The following C20orf173 variants were observed in gnomAD, a reference collection of about 807,000 sequenced individuals.
C20orf173 encodes chromosome 20 open reading frame 173, also known as uncharacterized protein C20orf173.
C20orf173 carries 22 observed loss-of-function variants against 26.7 expected under a neutral mutation model. That is an observed-to-expected ratio of 0.82 (90% CI 0.59 to 1.18). C20orf173 has a LOEUF of 1.18. C20orf173 is among the 50% of genes most tolerant of loss of function. The probability of loss-of-function intolerance (pLI) is 0.00; values close to 1 mark genes in which losing one functional copy is unlikely to be tolerated. For missense variants in C20orf173, 210 were observed against 250.3 expected, an observed-to-expected ratio of 0.84 and a Z score of 1.09; for synonymous variants, 85 against 96.4, an observed-to-expected ratio of 0.88 and a Z score of 0.69.
At chr20:35,528,981 G>T in intron 2 of C20orf173, 84 bp downstream of exon 2, 5 of 1,536,184 alleles carry the variant, frequency 3.3e-6, no homozygotes, top group Non-Finnish European at 3.5e-6. Flanking sequence ...CAGGGCCAAG[G>T]GCAGGGATTT....
At chr20:35,525,707 C>A (rs1290975032), downstream of C20orf173, among the ~76,000 whole-genome samples, 1 of 152,168 alleles carries the variant, frequency 6.6e-6, no homozygotes, top group East Asian at 1.9e-4. Context: ...TGCCCTGATG[C>A]GATCCAGTGG....
At chr20:35,526,707 T>C (rs1325489144), downstream of C20orf173, among the ~76,000 whole-genome samples, 4 of 150,464 alleles carry the variant, frequency 2.7e-5, no homozygotes. Flanking sequence ...CTAAACCTTC[T>C]GTGAAAAGCT....
chr20:35,524,991 G>A (rs1022727435), downstream of C20orf173, among the ~76,000 whole-genome samples: 3 of 151,882 alleles, frequency 2.0e-5, no homozygotes, highest in Non-Finnish European at 4.4e-5. Flanking sequence ...GATCCACTGT[G>A]CCCGGCCTTT....
Position 35,529,105 on chromosome 20 carries a change from G to A in C20orf173, c.269C>T (p.Thr90Ile), listed in dbSNP as rs1392825390. 1.3e-6 allele frequency: 2 copies of A among 1,551,696 alleles called. No individual in the cohort carries two copies. Among genetic ancestry groups the A allele is most frequent in the Non-Finnish European group, 1.7e-6 (2 of 1,146,994 alleles). Residue 90 changes from threonine to isoleucine, a missense_variant, in exon 2 of 6, where the codon ACA (threonine) becomes ATA (isoleucine). Transcript: ENST00000444723. Reference sequence around the variant, plus strand: ...AGTGTCAGAGGTCATAGACTCTCTTGTCCTCATCAGGTACCCCATAGTCTT... The same window carrying A: ...AGTGTCAGAGGTCATAGACTCTCTTATCCTCATCAGGTACCCCATAGTCTT... Reference protein sequence around the residue: ...SRKTMGYLMRTRESMTSDTVL... With the variant: ...SRKTMGYLMRIRESMTSDTVL...
At chr20:35,528,413 AC>A in intron 4 of C20orf173, 37 bp downstream of exon 4, 6 of 1,547,684 alleles carry the variant, frequency 3.9e-6, no homozygotes, top group Non-Finnish European at 3.5e-6. Flanking sequence ...ACCTCCCCTC[AC>A]CCCCACACAG....
chr20:35,529,275 C>A lies in C20orf173; in HGVS notation c.99G>T (p.Gln33His). 1 of 1,551,590 alleles carries A rather than the reference C, an allele frequency of 6.4e-7. No individual in the cohort carries two copies. ...GTGGTACCAAGTACATTCGTTTTTC[C>A]TGGGGTGCTGATTCAGGTGTCAGAT... ...YLDLTPESAP[Q>H]EKRMYLVPQH... Residue 33 changes from glutamine (Q) to histidine (H), a missense_variant, in exon 2 of 6, where the codon CAG becomes CAT. Physicochemically the swap from Gln to His is conservative, Grantham distance 24. Transcript: ENST00000444723.
At chr20:35,520,926 C>G (rs2064471047), downstream of C20orf173, 1 of 152,240 alleles carries the variant, frequency 6.6e-6, no homozygotes, top group African/African-American at 2.4e-5. Context: ...TAGTCCCTCT[C>G]TGACACCACA....
chr20:35,526,089 CA>C (rs775526440), downstream of C20orf173, among the ~76,000 whole-genome samples: 1 of 152,128 alleles, frequency 6.6e-6, no homozygotes, highest in Non-Finnish European at 1.5e-5. Context: ...CAGGATGATG[CA>C]AAAGCTAGAG....
intron 1 of C20orf173, 29 bp from the exon 2 acceptor site, chr20:35,529,453 A>T: frequency 1.5e-6 from 2 of 1,337,950 alleles, no homozygotes; most frequent in South Asian, 2.9e-5. Context: ...GAGGCCACAG[A>T]CAGCACCAGC....
At chr20:35,522,417 T>C (rs1018904047), downstream of C20orf173, 6 of 152,312 alleles carry the variant, frequency 3.9e-5, no homozygotes, top group Admixed American at 3.3e-4. Flanking sequence ...TTCCACATGC[T>C]TGTCTGTTTA....
intron 5 of C20orf173, 59 bp downstream of exon 5, chr20:35,528,155 AGGGGGAGGGAACTGACCTG>A: frequency 8.1e-7 from 1 of 1,239,616 alleles, no homozygotes; most frequent in Non-Finnish European, 1.2e-6. Flanking sequence ...CTGGGGAGGA[AGGGGGAGGGAACTGACCTG>A]GGGCCCTTCC....
At chr20:35,524,103 C>T (rs1052090525), downstream of C20orf173, among the ~76,000 whole-genome samples, 1 of 152,036 alleles carries the variant, frequency 6.6e-6, no homozygotes, top group Non-Finnish European at 1.5e-5. Context: ...CTGCAACCCC[C>T]GCCTCCTGGG....
chr20:35,524,313 G>A (rs1255174140), downstream of C20orf173, among the ~76,000 whole-genome samples: 1 of 151,982 alleles, frequency 6.6e-6, no homozygotes, highest in East Asian at 1.9e-4. Context: ...GAGCCACTGC[G>A]CCCGGCCAAT....
downstream of C20orf173, among the ~76,000 whole-genome samples, chr20:35,525,658 C>G (rs2064498719): frequency 6.6e-6 from 1 of 152,182 alleles, no homozygotes; most frequent in African/African-American, 2.4e-5. Context: ...GGCAGGCAAT[C>G]CCCAAAATTG....
In C20orf173 at chr20:35,529,161, G is replaced by A. The variant is rs201522177; in HGVS notation, c.213C>T (p.Asp71=). ...AGCACGCATCAAGCCAGTTCCATTC[G>A]TCGGCTGTGTGGTGGCAGGAGGAGC... is the stretch of plus-strand genomic sequence containing the variant. ...LNCSSCHHTA[D]EWNWLDACSR... Residue 71 remains aspartate, a synonymous_variant, in exon 2 of 6, where the codon GAC becomes GAT. Transcript: ENST00000444723. 90 of 1,551,542 alleles carry A rather than the reference G, an allele frequency of 5.8e-5. No individual in the cohort carries two copies. The highest frequency in any genetic ancestry group is 1.7e-4 in the Middle Eastern group (1 of 6,014).
chr20:35,526,806 G>A (rs1193534921), downstream of C20orf173, among the ~76,000 whole-genome samples: 1 of 152,076 alleles, frequency 6.6e-6, no homozygotes, highest in African/African-American at 2.4e-5. Flanking sequence ...AGTGGGTAAA[G>A]AGCCTCCCCC....
chr20:35,529,384 G>C lies in C20orf173; in HGVS notation c.-11C>G. Reference sequence around the variant, plus strand: ...CTGCCAGCGCTTCATGTCTGGCCCAGGCGGTGGCTCCCGTGGTGGGCCGTA... The same window carrying C: ...CTGCCAGCGCTTCATGTCTGGCCCACGCGGTGGCTCCCGTGGTGGGCCGTA... On this transcript the variant is annotated 5_prime_UTR_variant, in exon 2 of 6. Coordinates refer to ENST00000444723, the MANE Select transcript of C20orf173 (RefSeq NM_001145350.2). 6.6e-7 allele frequency: 1 copy of C among 1,525,786 alleles called. No individual in the cohort carries two copies. The highest frequency in any genetic ancestry group is 8.8e-7 in the Non-Finnish European group (1 of 1,135,590). 94.5% of individuals were successfully genotyped at this position (1,525,786 alleles called of 1,614,324 possible). A position where few individuals can be genotyped will look rare whatever the true frequency, so the allele number is the denominator to read the frequency against.
At chr20:35,527,478 C>T (rs904945888) in intron 5 of C20orf173, among the ~76,000 whole-genome samples, 3 of 152,112 alleles carry the variant, frequency 2.0e-5, no homozygotes, top group Non-Finnish European at 4.4e-5. Flanking sequence ...AGAGGGGAAC[C>T]CCCAGGACGT....
chr20:35,525,278 G>A (rs186927525), downstream of C20orf173, among the ~76,000 whole-genome samples: 9 of 152,130 alleles, frequency 5.9e-5, no homozygotes, highest in South Asian at 2.1e-4. Flanking sequence ...TTGGCCGGGC[G>A]TGATGACCCA....
Sources: allele counts gnomAD v4.1 joint callset (sites outside exome capture counted in the v4.1 genomes callset), GRCh38; gene constraint gnomAD v4.1.1; transcripts MANE v1.5; gene names NCBI Gene and HGNC (gene_info 2026-07-23, HGNC 2026-07-21).